ARRB1: variants seen among roughly 807,000 people sequenced by gnomAD.
ARRB1 encodes beta-arrestin-1.
ARRB1 carries 21 observed loss-of-function variants against 56.8 expected under a neutral mutation model. That is an observed-to-expected ratio of 0.37 (90% CI 0.26 to 0.53). The LOEUF (loss-of-function observed/expected upper bound fraction) is 0.53, where lower values mean the gene tolerates loss of function less well. ARRB1 is among the 20% of genes least tolerant of loss of function. ARRB1 has a pLI of 0.88. For synonymous variants in ARRB1, 210 were observed against 218.6 expected (o/e 0.96, Z 0.35); for missense variants, 424 against 553.7 (o/e 0.77, Z 2.35).
chr11:75,304,152 G>A (rs1226141177), intron 1 of ARRB1, among the ~76,000 whole-genome samples: 1 of 152,110 alleles, frequency 6.6e-6, no homozygotes, highest in Non-Finnish European at 1.5e-5. Context: ...GGGGGTTTTT[G>A]TTTGGTTTGT....
At chr11:75,275,596 A>G (rs1027758135) in intron 10 of ARRB1, among the ~76,000 whole-genome samples, 1 of 152,150 alleles carries the variant, frequency 6.6e-6, no homozygotes, top group African/African-American at 2.4e-5. Context: ...TGATTGTCCA[A>G]TTTTTACTTG....
chr11:75,306,627 A>T (rs915660679), intron 1 of ARRB1: 114 of 1,288,968 alleles, frequency 8.8e-5, no homozygotes, highest in Non-Finnish European at 1.2e-4. Context: ...AAAGCAGTGG[A>T]CTGTGAGGTG....
intron 1 of ARRB1, among the ~76,000 whole-genome samples, chr11:75,309,467 C>T (rs76697641): frequency 0.15 from 22,559 of 152,266 alleles, 1,743 homozygotes; most frequent in Middle Eastern, 0.18. Flanking sequence ...CACCCTGCAA[C>T]GCAGCCGTCT....
intron 6 of ARRB1, chr11:75,281,647 CT>C (rs1206200378): frequency 1.3e-5 from 5 of 388,070 alleles, no homozygotes; most frequent in Non-Finnish European, 2.3e-5. Context: ...GATGATCGCA[CT>C]TTGATTCCAG....
chr11:75,313,610 G>C (rs976988548), intron 1 of ARRB1, among the ~76,000 whole-genome samples: 1 of 152,214 alleles, frequency 6.6e-6, no homozygotes. Context: ...GCAGGGAGGC[G>C]TGTGACACAC....
At chr11:75,327,119 G>A (rs918072485) in intron 1 of ARRB1, among the ~76,000 whole-genome samples, 5 of 151,730 alleles carry the variant, frequency 3.3e-5, no homozygotes, top group African/African-American at 4.8e-5. Flanking sequence ...TCAAGACCAC[G>A]GTGAAACCCT....
At chr11:75,307,078 A>C (rs1003714295) in intron 1 of ARRB1, among the ~76,000 whole-genome samples, 1 of 152,134 alleles carries the variant, frequency 6.6e-6, no homozygotes, top group Non-Finnish European at 1.5e-5. Flanking sequence ...GAAGGCTTCT[A>C]TGTCACCCTC....
chr11:75,344,249 AC>A (rs1312337392), intron 1 of ARRB1, among the ~76,000 whole-genome samples: 1 of 151,788 alleles, frequency 6.6e-6, no homozygotes, highest in African/African-American at 2.4e-5. Context: ...ACCCATCCCC[AC>A]CCAGGACACA....
At chr11:75,292,083 C>A (rs1253797776) in intron 1 of ARRB1, among the ~76,000 whole-genome samples, 2 of 152,220 alleles carry the variant, frequency 1.3e-5, no homozygotes, top group Non-Finnish European at 2.9e-5. Context: ...CCTGGCACAT[C>A]CCGCCCCACC....
At chr11:75,305,633 G>A (rs1591954517) in intron 1 of ARRB1, among the ~76,000 whole-genome samples, 2 of 152,286 alleles carry the variant, frequency 1.3e-5, no homozygotes, top group African/African-American at 4.8e-5. Context: ...ACCCTAAGTA[G>A]AGAAGATAAA....
intron 5 of ARRB1, 154 bp from the exon 6 acceptor site, chr11:75,282,175 T>C: frequency 1.5e-6 from 1 of 676,118 alleles, no homozygotes; most frequent in East Asian, 2.8e-5. Context: ...CCATGCCCCA[T>C]CTAAAACTCT....
chr11:75,267,522 A>G (rs1479882444), intron 15 of ARRB1, 130 bp downstream of exon 15: 2 of 887,406 alleles, frequency 2.3e-6, no homozygotes, highest in Non-Finnish European at 3.5e-6. Context: ...AGGCGAGCAG[A>G]GGTGGCTCTC....
intron 2 of ARRB1, among the ~76,000 whole-genome samples, chr11:75,288,903 A>T (rs1232630536): frequency 6.6e-6 from 1 of 152,160 alleles, no homozygotes; most frequent in African/African-American, 2.4e-5. Flanking sequence ...CTAAAATTCA[A>T]ATCTAACCAT....
chr11:75,272,028 A>T (rs1946084521), intron 12 of ARRB1, among the ~76,000 whole-genome samples: 1 of 152,192 alleles, frequency 6.6e-6, no homozygotes, highest in African/African-American at 2.4e-5. Context: ...GGGAGGCCGG[A>T]CTATCTAAAG....
At chr11:75,341,257 C>T (rs1019410507) in intron 1 of ARRB1, among the ~76,000 whole-genome samples, 6 of 152,134 alleles carry the variant, frequency 3.9e-5, no homozygotes, top group African/African-American at 1.4e-4. Context: ...CCCACCTCAG[C>T]CTCCCTGGTA....
chr11:75,321,941 T>G (rs1338202706), intron 1 of ARRB1, among the ~76,000 whole-genome samples: 1 of 152,194 alleles, frequency 6.6e-6, no homozygotes, highest in Non-Finnish European at 1.5e-5. Flanking sequence ...ACTCCTTTGG[T>G]TACCATGACA....
At chr11:75,275,851 T>G (rs1459987317) in intron 10 of ARRB1, among the ~76,000 whole-genome samples, 2 of 152,200 alleles carry the variant, frequency 1.3e-5, no homozygotes, top group Non-Finnish European at 2.9e-5. Flanking sequence ...CCTGCTGGTA[T>G]TCGTTATGCA....
At chr11:75,282,059 C>T in intron 5 of ARRB1, 38 bp from the exon 6 acceptor site, 6 of 1,606,136 alleles carry the variant, frequency 3.7e-6, no homozygotes, top group Non-Finnish European at 5.1e-6. Flanking sequence ...CCTGTCACAT[C>T]CACCACTGTC....
intron 15 of ARRB1, among the ~76,000 whole-genome samples, chr11:75,267,376 C>T (rs1288612143): frequency 3.9e-5 from 6 of 152,254 alleles, no homozygotes; most frequent in East Asian, 1.9e-4. Flanking sequence ...GCCGAGCAGG[C>T]GCTGTGGATG....
Sources: gnomAD v4.1 joint callset for allele counts (sites outside exome capture counted in the v4.1 genomes callset) on GRCh38, gnomAD v4.1.1 for gene constraint, MANE v1.5 for transcripts, NCBI Gene and HGNC (gene_info 2026-07-23, HGNC 2026-07-21) for gene names.